Variants in ERC2 observed in about 807,000 individuals in gnomAD.
The protein encoded by ERC2 is ELKS/RAB6-interacting/CAST family member 2, also known as ERC protein 2.
ERC2 carries 42 observed loss-of-function variants against 114.8 expected under a neutral mutation model. The ratio of observed to expected loss-of-function variants is 0.37; its 90% CI spans 0.29 to 0.47. The LOEUF (loss-of-function observed/expected upper bound fraction) is 0.47. Ranked by LOEUF, ERC2 falls within the 20% of genes least tolerant of loss-of-function variation. The pLI is 0.99. For missense variants in ERC2, 939 were observed against 1,150.7 expected (o/e 0.82, Z 2.66); for synonymous variants, 454 against 425.5 (o/e 1.07, Z -0.82).
At chr3:56,061,844 T>C (rs903587680) in intron 7 of ERC2, among the ~76,000 whole-genome samples, 18 of 152,214 alleles carry the variant, frequency 1.2e-4, no homozygotes, top group Non-Finnish European at 1.5e-5. Context: ...GTATCTGTAA[T>C]TCAGTAAACT....
At chr3:55,870,373 C>T (rs1011137924) in intron 14 of ERC2, among the ~76,000 whole-genome samples, 2 of 152,210 alleles carry the variant, frequency 1.3e-5, no homozygotes, top group African/African-American at 4.8e-5. Context: ...CCATACCCGG[C>T]AGGGTAGACT....
intron 4 of ERC2, among the ~76,000 whole-genome samples, chr3:56,155,363 G>GAAA (rs201714845): frequency 5.3e-5 from 4 of 74,996 alleles, no homozygotes; most frequent in Non-Finnish European, 5.6e-5. Context: ...TAAGGAAAAT[G>GAAA]AAAAAAAAAA....
At chr3:56,272,948 T>C (rs975790268) in intron 3 of ERC2, among the ~76,000 whole-genome samples, 2 of 152,176 alleles carry the variant, frequency 1.3e-5, no homozygotes, top group Non-Finnish European at 2.9e-5. Flanking sequence ...GTCTCACGTA[T>C]AAAAGGGGTA....
At chr3:56,057,411 C>T (rs1254128688) in intron 7 of ERC2, among the ~76,000 whole-genome samples, 1 of 152,110 alleles carries the variant, frequency 6.6e-6, no homozygotes, top group South Asian at 2.1e-4. Context: ...ACATTGCTTA[C>T]TCATTTCTTG....
At chr3:56,295,401 G>T (rs1204569832) in intron 3 of ERC2, among the ~76,000 whole-genome samples, 1 of 152,078 alleles carries the variant, frequency 6.6e-6, no homozygotes, top group Non-Finnish European at 1.5e-5. Context: ...ATTGAATGGT[G>T]GTAAAAGGCC....
chr3:56,259,222 G>A (rs866128166), intron 3 of ERC2, among the ~76,000 whole-genome samples: 13 of 151,858 alleles, frequency 8.6e-5, no homozygotes, highest in African/African-American at 2.9e-4. Context: ...TCCACCCACC[G>A]CAGCCTCCCA....
chr3:55,633,800 C>A (rs984231680), intron 17 of ERC2, among the ~76,000 whole-genome samples: 10 of 152,164 alleles, frequency 6.6e-5, no homozygotes, highest in Non-Finnish European at 2.9e-5. Context: ...CAAAACTAAA[C>A]CTTAAATGAT....
intron 3 of ERC2, among the ~76,000 whole-genome samples, chr3:56,238,585 G>A (rs1030470295): frequency 7.0e-4 from 107 of 152,220 alleles, no homozygotes; most frequent in Non-Finnish European, 2.8e-4. Flanking sequence ...TGGCCCAGGG[G>A]AGACTGAAGC....
At chr3:55,736,264 T>C (rs907448671) in intron 14 of ERC2, among the ~76,000 whole-genome samples, 3 of 152,216 alleles carry the variant, frequency 2.0e-5, no homozygotes, top group Admixed American at 6.5e-5. Context: ...TAATCAGCCA[T>C]GACAACCTCT....
chr3:55,637,837 T>C (rs1462066204), intron 17 of ERC2, among the ~76,000 whole-genome samples: 1 of 152,144 alleles, frequency 6.6e-6, no homozygotes, highest in Non-Finnish European at 1.5e-5. Context: ...TAGTAGTAGC[T>C]ATCTACATGG....
chr3:56,022,902 T>C (rs2073816464), intron 7 of ERC2, among the ~76,000 whole-genome samples: 1 of 152,148 alleles, frequency 6.6e-6, no homozygotes, highest in Non-Finnish European at 1.5e-5. Context: ...AAGGAGCCAG[T>C]ACTGCTGAAG....
At chr3:56,368,133 G>A (rs1450344405) in intron 2 of ERC2, among the ~76,000 whole-genome samples, 1 of 147,206 alleles carries the variant, frequency 6.8e-6, no homozygotes, top group Non-Finnish European at 1.5e-5. Context: ...TAACAAACCT[G>A]CACATGTACC....
At chr3:56,100,983 G>C (rs753871203) in intron 6 of ERC2, among the ~76,000 whole-genome samples, 58 of 151,896 alleles carry the variant, frequency 3.8e-4, no homozygotes, top group Non-Finnish European at 7.2e-4. Flanking sequence ...AAATTAAGGA[G>C]GAAAAAAAAT....
chr3:56,132,050 A>C (rs2080235167), intron 6 of ERC2, among the ~76,000 whole-genome samples: 1 of 152,216 alleles, frequency 6.6e-6, no homozygotes, highest in Admixed American at 6.5e-5. Context: ...AACCATTTAA[A>C]AAACTCTTTT....
At chr3:55,931,623 G>T (rs1312642040) in intron 13 of ERC2, among the ~76,000 whole-genome samples, 1 of 152,090 alleles carries the variant, frequency 6.6e-6, no homozygotes, top group Non-Finnish European at 1.5e-5. Flanking sequence ...GCTAGGGGAG[G>T]GATAGCATTA....
chr3:55,807,594 T>C (rs2059540045), intron 14 of ERC2, among the ~76,000 whole-genome samples: 1 of 151,620 alleles, frequency 6.6e-6, no homozygotes, highest in South Asian at 2.1e-4. Context: ...CCAATAAAAC[T>C]TTATTTGTAA....
chr3:56,054,787 C>T (rs2075934304), intron 7 of ERC2, among the ~76,000 whole-genome samples: 1 of 152,178 alleles, frequency 6.6e-6, no homozygotes, highest in Non-Finnish European at 1.5e-5. Flanking sequence ...TTTGCCAACA[C>T]TCAAGCAAGC....
At chr3:55,697,763 G>C (rs1359748986) in intron 16 of ERC2, among the ~76,000 whole-genome samples, 1 of 152,026 alleles carries the variant, frequency 6.6e-6, no homozygotes, top group Non-Finnish European at 1.5e-5. Context: ...TTGTCTCTCT[G>C]TTGGGGTTTG....
chr3:56,105,580 T>C (rs553615409), intron 6 of ERC2, among the ~76,000 whole-genome samples: 1 of 152,214 alleles, frequency 6.6e-6, no homozygotes, highest in East Asian at 1.9e-4. Flanking sequence ...CTTTCCAAAG[T>C]GTTGGGATTA....
Sources: allele counts gnomAD v4.1 joint callset (sites outside exome capture counted in the v4.1 genomes callset), GRCh38; gene constraint gnomAD v4.1.1; transcripts MANE v1.5; gene names NCBI Gene and HGNC (gene_info 2026-07-23, HGNC 2026-07-21).